Variants in C4orf51 observed in about 807,000 individuals in gnomAD.
C4orf51 encodes chromosome 4 open reading frame 51.
In C4orf51, 25 loss-of-function variants were observed where a neutral mutation model predicts 25.2. The observed-to-expected ratio is 0.99, with a 90% CI of 0.72 to 1.39. The LOEUF (loss-of-function observed/expected upper bound fraction) is 1.39. Ranked by LOEUF, C4orf51 falls within the 40% of genes most tolerant of loss-of-function variation. C4orf51 has a pLI of 0.00. For synonymous variants in C4orf51, 100 were observed against 84.5 expected, an observed-to-expected ratio of 1.18 and a Z score of -1.01; for missense variants, 252 against 239.6, an observed-to-expected ratio of 1.05 and a Z score of -0.34.
chr4:145,750,180 T>C (rs1733594781), intron 1 of C4orf51, among the ~76,000 whole-genome samples: 1 of 152,202 alleles, frequency 6.6e-6, no homozygotes, highest in Admixed American at 6.5e-5. Context: ...AGAGTTATAA[T>C]ATGCTGTTTT....
At chr4:145,789,642 C>T in the C4orf51 span, among the ~76,000 whole-genome samples, 1 of 152,186 alleles carries the variant, frequency 6.6e-6, no homozygotes, top group Non-Finnish European at 1.5e-5. Context: ...CTTTCCCAAA[C>T]CCGAATCTGT....
Position 145,680,281 on chromosome 4 carries a change from C to T in C4orf51, c.78C>T (p.Ile26=), listed in dbSNP as rs143157259. The change falls in exon 1 of 6, where the codon ATC becomes ATT. Residue 26 remains isoleucine (I), a synonymous_variant. Transcript: ENST00000438731. ...SPLTSQEFDL[I]RRKAGASWQD... ...TTACTTCTCAAGAGTTTGATCTGAT[C>T]AGACGCAAGGCTGGAGCATCTTGGC... 2.2e-5 allele frequency: 35 copies of T among 1,613,934 alleles called. No individual in the cohort carries two copies. The highest frequency in any genetic ancestry group is 3.0e-5 in the Non-Finnish European group (35 of 1,179,846).
chr4:145,699,094 G>C (rs1034053131), intron 2 of C4orf51, among the ~76,000 whole-genome samples: 2 of 151,282 alleles, frequency 1.3e-5, no homozygotes, highest in Non-Finnish European at 2.9e-5. Context: ...GCCCGCCAGA[G>C]AACAAACCCC....
intron 1 of C4orf51, chr4:145,754,187 T>G (rs1337938352): frequency 6.6e-6 from 1 of 152,226 alleles, no homozygotes; most frequent in Non-Finnish European, 1.5e-5. Flanking sequence ...AGACTCACCT[T>G]ATTCTACCTT....
At chr4:145,694,076 C>T (rs1233834114) in intron 1 of C4orf51, among the ~76,000 whole-genome samples, 2 of 142,092 alleles carry the variant, frequency 1.4e-5, no homozygotes, top group Non-Finnish European at 1.5e-5. Context: ...GGGTCTCGGC[C>T]GGGCAGAGGC....
In C4orf51 at chr4:145,686,864, T is replaced by C. The variant is rs766503753; in HGVS notation, c.233+6428T>C. On this transcript the variant is annotated intron_variant, in intron 1 of 5. Coordinates refer to ENST00000438731, the MANE Select transcript of C4orf51 (RefSeq NM_001080531.3). ...TAATAAGTGCTCCAGATGGATCTTA[T>C]ATGATCAGAAAACAATGGGAAATGC... is the stretch of plus-strand genomic sequence containing the variant. Among the ~76,000 whole-genome samples the C allele has an allele frequency of 3.3e-5, 5 of 152,336 alleles. 1 individual carries two copies. The highest frequency in any genetic ancestry group is 2.6e-4 in the Admixed American group (4 of 15,304).
At chr4:145,727,895 G>GTGTATATATATA (rs529040880) in intron 3 of C4orf51, among the ~76,000 whole-genome samples, 42 of 101,614 alleles carry the variant, frequency 4.1e-4, no homozygotes, top group Admixed American at 7.0e-4. Flanking sequence ...AAAAAAATGT[G>GTGTATATATATA]TATATATATA....
intron 1 of C4orf51, among the ~76,000 whole-genome samples, chr4:145,681,865 C>T (rs1381469704): frequency 6.6e-6 from 1 of 152,136 alleles, no homozygotes; most frequent in Non-Finnish European, 1.5e-5. Context: ...TAGTCCTTAC[C>T]TCCCAAAACT....
Position 145,766,270 on chromosome 4 carries a change from G to C in C4orf51, n.167-4718G>C, listed in dbSNP as rs565908471. Among the ~76,000 whole-genome samples the C allele has an allele frequency of 5.9e-5, 9 of 152,246 alleles. No individual in the cohort carries two copies. In the South Asian group the frequency reaches 1.9e-3, roughly 32 times the overall value. On this transcript the variant is annotated intron_variant and non_coding_transcript_variant, in intron 1 of 1. Transcript: ENST00000510096. ...CTCAAAGCCAGATACAAACAAGTCA[G>C]CAGACCATTAAAATCTAGTGTCAGA...
chr4:145,784,453 C>A, the C4orf51 span, among the ~76,000 whole-genome samples: 6 of 152,306 alleles, frequency 3.9e-5, no homozygotes, highest in African/African-American at 1.4e-4. Flanking sequence ...TTTTGACAGG[C>A]TTTAATTCCC....
At chr4:145,753,729 C>T (rs930540950) in intron 1 of C4orf51, among the ~76,000 whole-genome samples, 2 of 152,054 alleles carry the variant, frequency 1.3e-5, no homozygotes, top group Non-Finnish European at 2.9e-5. Flanking sequence ...CCTGCAGAGG[C>T]CTGGGTGGTA....
chr4:145,781,714 T>C, the C4orf51 span, among the ~76,000 whole-genome samples: 4 of 152,342 alleles, frequency 2.6e-5, no homozygotes, highest in African/African-American at 7.2e-5. Context: ...GTCCACGCAG[T>C]GGGCATTTCA....
intron 2 of C4orf51, among the ~76,000 whole-genome samples, chr4:145,724,591 A>C (rs561861131): frequency 6.6e-6 from 1 of 152,290 alleles, no homozygotes; most frequent in East Asian, 1.9e-4. Context: ...ATTCGTCATT[A>C]AAAAATCAAT....
chr4:145,739,686 T>C (rs983688274), intron 1 of C4orf51, among the ~76,000 whole-genome samples: 3 of 152,128 alleles, frequency 2.0e-5, no homozygotes, highest in African/African-American at 7.2e-5. Context: ...TCCCAGGAGA[T>C]TTGAATTATT....
At chr4:145,703,318 C>T (rs1333187963) in intron 2 of C4orf51, among the ~76,000 whole-genome samples, 6 of 152,006 alleles carry the variant, frequency 3.9e-5, no homozygotes, top group South Asian at 2.1e-4. Flanking sequence ...CACTCCTGCC[C>T]GCCAGAGAAC....
intron 1 of C4orf51, among the ~76,000 whole-genome samples, chr4:145,739,817 G>A (rs925770197): frequency 4.6e-5 from 7 of 152,100 alleles, no homozygotes; most frequent in Non-Finnish European, 8.8e-5. Context: ...AGATAGAGTC[G>A]CTGAGGCCCA....
At chr4:145,779,574 A>T in the C4orf51 span, 8 of 1,573,600 alleles carry the variant, frequency 5.1e-6, no homozygotes, top group African/African-American at 2.7e-5. Flanking sequence ...TCTGTTAGTC[A>T]ACATTCAGGA....
rs981240406 is a variant in C4orf51 at position 145,760,828 on chromosome 4, T to C, written n.167-10160T>C. Reference sequence around the variant, plus strand: ...CAGTCCGAGATAGGCCAGGAAGGAGTGTTTGGGTGAGGGGATGCTGGGAGG... The same window carrying C: ...CAGTCCGAGATAGGCCAGGAAGGAGCGTTTGGGTGAGGGGATGCTGGGAGG... On this transcript the variant is annotated intron_variant and non_coding_transcript_variant, in intron 1 of 1. Transcript: ENST00000510096. The C allele has an allele frequency of 2.5e-6, 3 of 1,177,214 alleles. No individual in the cohort carries two copies. In the Admixed American group the frequency reaches 1.1e-4, roughly 44 times the overall value. The allele number at this position is 1,177,214 out of a possible 1,614,324, so 72.9% of individuals were successfully genotyped here.
chr4:145,696,819 G>T (rs1007352933), intron 2 of C4orf51, among the ~76,000 whole-genome samples, 187 bp downstream of exon 2: 2 of 152,106 alleles, frequency 1.3e-5, no homozygotes, highest in African/African-American at 4.8e-5. Context: ...GATCACTTGA[G>T]GTCACGAGTT....
Sources: allele counts gnomAD v4.1 joint callset (sites outside exome capture counted in the v4.1 genomes callset), GRCh38; gene constraint gnomAD v4.1.1; transcripts MANE v1.5; gene names NCBI Gene and HGNC (gene_info 2026-07-23, HGNC 2026-07-21).